The following FNDC7 variants were observed in gnomAD, a reference collection of about 807,000 sequenced individuals.
FNDC7 encodes fibronectin type III domain-containing protein 7.
FNDC7 carries 66 observed loss-of-function variants against 74.2 expected under a neutral mutation model. The observed-to-expected ratio is 0.89, with a 90% CI of 0.73 to 1.09. The LOEUF (loss-of-function observed/expected upper bound fraction) is 1.09, where lower values mean the gene tolerates loss of function less well. Among genes scored for constraint, FNDC7 ranks in the 50% least tolerant of loss-of-function variants. The probability of loss-of-function intolerance (pLI) is 0.00; values close to 1 mark genes in which losing one functional copy is unlikely to be tolerated. For missense variants in FNDC7, 829 were observed against 893.4 expected (o/e 0.93, Z 0.92); for synonymous variants, 307 against 330.2 (o/e 0.93, Z 0.76).
At chr1:108,714,563 A>C (rs1234674863) in intron 2 of FNDC7, among the ~76,000 whole-genome samples, 1 of 151,024 alleles carries the variant, frequency 6.6e-6, no homozygotes, top group East Asian at 1.9e-4. Flanking sequence ...AGGATTAGCC[A>C]GGAAACTATA....
At chr1:108,735,188 G>A (rs1016430217) in intron 10 of FNDC7, among the ~76,000 whole-genome samples, 10 of 152,014 alleles carry the variant, frequency 6.6e-5, no homozygotes, top group Admixed American at 1.3e-4. Context: ...TCGAATTCTC[G>A]TCCTGGTCAC....
chr1:108,727,057 G>C (rs1210311370), intron 6 of FNDC7, among the ~76,000 whole-genome samples: 1 of 152,124 alleles, frequency 6.6e-6, no homozygotes, highest in African/African-American at 2.4e-5. Flanking sequence ...CGGGCACAGT[G>C]GTTCACGCCT....
chr1:108,741,359 T>C (rs1661644098), intron 11 of FNDC7, among the ~76,000 whole-genome samples: 1 of 152,182 alleles, frequency 6.6e-6, no homozygotes, highest in Non-Finnish European at 1.5e-5. Context: ...CTGTACATCC[T>C]GGGCAACTTT....
chr1:108,724,441 C>T (rs1292293346), intron 5 of FNDC7, among the ~76,000 whole-genome samples: 1 of 151,938 alleles, frequency 6.6e-6, no homozygotes, highest in African/African-American at 2.4e-5. Context: ...TCATTCAGTG[C>T]ATGAGAGGCT....
rs1386996660 is a variant in FNDC7 at position 108,725,997 on chromosome 1, T to C, written c.1104T>C (p.Tyr368=). 6.2e-7 allele frequency: 1 copy of C among 1,614,028 alleles called. No individual in the cohort carries two copies. Among genetic ancestry groups the C allele is most frequent in the African/African-American group, 1.3e-5 (1 of 74,918 alleles). ...GTCCTTTGGGTGACATATTCAATTA[T>C]ACCACAGGTAAGTCCCATTTGATGT... ...GQSPLGDIFN[Y]TTAPCCPSDI... Residue 368 remains tyrosine, a synonymous_variant, in exon 6 of 13, where the codon TAT becomes TAC. Coordinates refer to ENST00000370017, the MANE Select transcript of FNDC7 (RefSeq NM_001144937.3).
In FNDC7 at chr1:108,717,914, G is replaced by A. The variant is rs868579449; in HGVS notation, c.220G>A (p.Ala74Thr). The A allele has an allele frequency of 1.3e-6, 2 of 1,551,590 alleles. No homozygotes were observed. Among genetic ancestry groups the A allele is most frequent in the East Asian group, 4.9e-5 (2 of 40,934 alleles). Residue 74 changes from alanine (A) to threonine (T), a missense_variant, in exon 3 of 13, where the codon GCC becomes ACC. Physicochemically the swap from Ala to Thr is moderately conservative, Grantham distance 58. Transcript: ENST00000370017. Reference protein sequence around the residue: ...DGDTVIETTVANSPGTVTGLK... With the variant: ...DGDTVIETTVTNSPGTVTGLK... The stretch of plus-strand genomic sequence containing the variant: ...GGACACAGTCATTGAAACCACGGTG[G>A]CCAATTCCCCAGGCACTGTGACGGG...
In FNDC7 at chr1:108,730,698, C is replaced by G; in HGVS notation, c.1649C>G (p.Thr550Arg). ...ETVPCCPTGL[T>R]VTQITQSVIN... is the part of the protein sequence containing the mutation. ...GTGCCATGCTGTCCAACCGGTCTGACAGTAACTCAAATCACCCAGTCAGTA... is the reference window on the plus strand; with the variant it reads ...GTGCCATGCTGTCCAACCGGTCTGAGAGTAACTCAAATCACCCAGTCAGTA... Residue 550 changes from threonine to arginine, a missense_variant, in exon 9 of 13, where the codon ACA becomes AGA. Coordinates refer to ENST00000370017, the MANE Select transcript of FNDC7 (RefSeq NM_001144937.3). 1.9e-6 allele frequency: 3 copies of G among 1,595,776 alleles called. No homozygotes were observed. The Middle Eastern group carries it at 5.0e-4, about 265-fold the overall frequency.
intron 5 of FNDC7, among the ~76,000 whole-genome samples, chr1:108,725,125 T>A (rs1008780978): frequency 5.9e-5 from 9 of 152,032 alleles, no homozygotes; most frequent in African/African-American, 2.2e-4. Context: ...AAAAAAATAG[T>A]TTTTTTAATA....
chr1:108,725,951 T>A lies in FNDC7; in HGVS notation c.1058T>A (p.Val353Asp), dbSNP rs4494160. ...CGFTYFISVF[V>D]YNKAGQSPLG... The stretch of plus-strand genomic sequence containing the variant: ...TTCACTTATTTTATTAGTGTTTTTG[T>A]CTATAACAAGGCAGGGCAAAGTCCT... Residue 353 changes from valine to aspartate, a missense_variant, in exon 6 of 13, where the codon GTC (valine) becomes GAC (aspartate). Transcript: ENST00000370017. 6.2e-7 allele frequency: 1 copy of A among 1,613,902 alleles called. No homozygotes were observed.
At chr1:108,726,255 G>A (rs918080280) in intron 6 of FNDC7, among the ~76,000 whole-genome samples, 2 of 152,244 alleles carry the variant, frequency 1.3e-5, no homozygotes, top group African/African-American at 4.8e-5. Context: ...TGCTCTGAAA[G>A]ATTGAACTCG....
At chr1:108,735,622 T>C (rs1055816956) in intron 10 of FNDC7, among the ~76,000 whole-genome samples, 2 of 152,256 alleles carry the variant, frequency 1.3e-5, no homozygotes, top group South Asian at 2.1e-4. Context: ...CAAAATATTA[T>C]CATTTCAACA....
intron 4 of FNDC7, among the ~76,000 whole-genome samples, chr1:108,720,285 G>A (rs1209091362): frequency 6.6e-6 from 1 of 152,132 alleles, no homozygotes; most frequent in Non-Finnish European, 1.5e-5. Context: ...AGCAAATAAA[G>A]CATGATCCCT....
intron 6 of FNDC7, among the ~76,000 whole-genome samples, chr1:108,726,741 G>A (rs1661227785): frequency 6.6e-6 from 1 of 152,130 alleles, no homozygotes; most frequent in South Asian, 2.1e-4. Flanking sequence ...TGAGTGGAGT[G>A]ATTTGAAATT....
In FNDC7 at chr1:108,728,807, C is replaced by G; in HGVS notation, c.1545C>G (p.Gly515=). ...ESCTMRGLPC[G]SVFSVTAVAE... is the part of the protein sequence containing the mutation. ...GCACCATGCGGGGCTTGCCCTGTGG[C>G]TCAGTGTTCTCTGTCACTGCTGTGG... The change falls in exon 8 of 13, where the codon GGC becomes GGG. Residue 515 remains glycine, a synonymous_variant. Transcript: ENST00000370017. The G allele has an allele frequency of 6.2e-7, 1 of 1,614,264 alleles. No individual in the cohort carries two copies. The highest frequency in any genetic ancestry group is 1.1e-5 in the South Asian group (1 of 91,092).
At position 108,713,330 on chromosome 1, in the gene FNDC7, T is replaced by C. The variant is rs1334761626; in HGVS notation, c.64-181T>C. ...CTCTAAATTCTATTTAGAGTTGTTT[T>C]GTGGTAGATTTGGGTGCTGGGAAAT... On this transcript the variant is annotated intron_variant, in intron 1 of 12. Transcript: ENST00000370017. 7 of 632,494 alleles carry C rather than the reference T, an allele frequency of 1.1e-5. No individual in the cohort carries two copies. The East Asian group carries it at 1.7e-4, about 15-fold the overall frequency. The allele number at this position is 632,494 out of a possible 1,614,324, so 39.2% of individuals were successfully genotyped here. A position where few individuals can be genotyped will look rare whatever the true frequency, so the allele number is the denominator to read the frequency against.
At chr1:108,726,329 C>T (rs1981051) in intron 6 of FNDC7, among the ~76,000 whole-genome samples, 3,981 of 152,094 alleles carry the variant, frequency 0.026, 189 homozygotes, top group African/African-American at 0.09. Flanking sequence ...GCAGTGCCTC[C>T]GTTTCAGGAG....
At chr1:108,718,223 G>C (rs946717673) in intron 3 of FNDC7, among the ~76,000 whole-genome samples, 192 bp downstream of exon 3, 1 of 152,222 alleles carries the variant, frequency 6.6e-6, no homozygotes, top group African/African-American at 2.4e-5. Flanking sequence ...TTAAATGCCA[G>C]CTGCTTTGCT....
intron 5 of FNDC7, among the ~76,000 whole-genome samples, chr1:108,723,804 G>C (rs961875459): frequency 6.6e-6 from 1 of 152,150 alleles, no homozygotes; most frequent in Non-Finnish European, 1.5e-5. Context: ...CAATACCCAG[G>C]TCCCACTTAA....
chr1:108,718,072 G>A, intron 3 of FNDC7, 41 bp downstream of exon 3: 1 of 1,544,018 alleles, frequency 6.5e-7, no homozygotes, highest in Non-Finnish European at 8.8e-7. Context: ...GTGTTTGCTT[G>A]TGACTTGGAT....
Sources: gnomAD v4.1 joint callset for allele counts (sites outside exome capture counted in the v4.1 genomes callset) on GRCh38, gnomAD v4.1.1 for gene constraint, MANE v1.5 for transcripts, NCBI Gene and HGNC (gene_info 2026-07-23, HGNC 2026-07-21) for gene names.